The following LRP6 variants were observed in gnomAD, a reference collection of about 807,000 sequenced individuals.
LRP6 encodes the protein LDL receptor related protein 6.
In LRP6, 43 loss-of-function variants were observed where a neutral mutation model predicts 184.1. That is an observed-to-expected ratio of 0.23 (90% confidence interval 0.18 to 0.30). LRP6 has a LOEUF of 0.30. Ranked by LOEUF, LRP6 falls within the 10% of genes least tolerant of loss-of-function variation. LRP6 has a pLI of 1.00. For synonymous variants in LRP6, 719 were observed against 684.9 expected, an observed-to-expected ratio of 1.05 and a Z score of -0.78; for missense variants, 1,571 against 2,005.3, an observed-to-expected ratio of 0.78 and a Z score of 4.14.
chr12:12,221,388 T>A (rs911741739), intron 2 of LRP6, among the ~76,000 whole-genome samples: 1 of 152,158 alleles, frequency 6.6e-6, no homozygotes, highest in Non-Finnish European at 1.5e-5. Context: ...GAAACTAGAA[T>A]TGTTGCTTTA....
intron 1 of LRP6, among the ~76,000 whole-genome samples, chr12:12,248,546 A>C (rs2135925755): frequency 7.7e-6 from 1 of 129,954 alleles, no homozygotes; most frequent in East Asian, 2.3e-4. Context: ...CAGTGGTGCA[A>C]TCTCGGCTCA....
chr12:12,134,269 A>G (rs35004968), intron 17 of LRP6, among the ~76,000 whole-genome samples: 10,080 of 152,262 alleles, frequency 0.066, 421 homozygotes, highest in Non-Finnish European at 0.1. Flanking sequence ...CTTCATGATT[A>G]TAACATTTAA....
chr12:12,237,427 G>A (rs1212170863), intron 2 of LRP6, among the ~76,000 whole-genome samples: 3 of 152,012 alleles, frequency 2.0e-5, no homozygotes, highest in Non-Finnish European at 2.9e-5. Context: ...AATTAACACA[G>A]GCAAAAACCA....
Position 12,131,862 on chromosome 12 carries a change from T to C in LRP6, c.3929A>G (p.Asp1310Gly). Residue 1310 changes from aspartate (D) to glycine (G), a missense_variant, in exon 18 of 23, where the codon GAT (aspartate) becomes GGT (glycine). Transcript: ENST00000261349. The part of the protein sequence containing the change: ...CIDGALRCNG[D>G]ANCQDKSDEK... ...ATCTGATTTGTCCTGGCAGTTTGCA[T>C]CTCCATTGCATCGGAGGGCACCATC... is the stretch of plus-strand genomic sequence containing the variant. 1 of 1,614,162 alleles carries C rather than the reference T, an allele frequency of 6.2e-7. No homozygotes were observed. Among genetic ancestry groups the C allele is most frequent in the Non-Finnish European group, 8.5e-7 (1 of 1,180,016 alleles).
intron 3 of LRP6, among the ~76,000 whole-genome samples, chr12:12,195,261 T>C (rs923280929): frequency 6.6e-6 from 1 of 152,140 alleles, no homozygotes; most frequent in African/African-American, 2.4e-5. Flanking sequence ...TTGTAATTTT[T>C]TGAGGAACTT....
chr12:12,221,368 TG>T (rs1351506721), intron 2 of LRP6, among the ~76,000 whole-genome samples: 2 of 152,200 alleles, frequency 1.3e-5, no homozygotes, highest in Admixed American at 1.3e-4. Context: ...AACCAGTTCT[TG>T]AATATTAAGA....
chr12:12,232,253 G>A (rs1024751952), intron 2 of LRP6, among the ~76,000 whole-genome samples: 8 of 151,500 alleles, frequency 5.3e-5, no homozygotes, highest in Non-Finnish European at 8.8e-5. Context: ...GCATGGTGGC[G>A]GGTGCCTGTA....
chr12:12,146,425 C>A (rs1317227992), intron 15 of LRP6, among the ~76,000 whole-genome samples: 3 of 152,136 alleles, frequency 2.0e-5, no homozygotes, highest in Non-Finnish European at 1.5e-5. Flanking sequence ...ATTTTAATTT[C>A]ATTTACCTGA....
intron 19 of LRP6, among the ~76,000 whole-genome samples, chr12:12,128,471 C>A (rs958137375): frequency 2.6e-5 from 4 of 152,184 alleles, no homozygotes; most frequent in Non-Finnish European, 5.9e-5. Context: ...AGCACCAAAT[C>A]TCTCTTCTGA....
At chr12:12,178,947 T>G (rs1344604829) in intron 7 of LRP6, among the ~76,000 whole-genome samples, 1 of 152,170 alleles carries the variant, frequency 6.6e-6, no homozygotes, top group Non-Finnish European at 1.5e-5. Flanking sequence ...GTCTGAATTT[T>G]CTGTCCATTA....
intron 3 of LRP6, among the ~76,000 whole-genome samples, chr12:12,199,683 C>T (rs908811390): frequency 6.6e-6 from 1 of 151,750 alleles, no homozygotes; most frequent in African/African-American, 2.4e-5. Context: ...AAACAAGGCT[C>T]GGCCAGGCAC....
At chr12:12,238,824 T>C (rs1667239281) in intron 2 of LRP6, among the ~76,000 whole-genome samples, 1 of 151,966 alleles carries the variant, frequency 6.6e-6, no homozygotes, top group East Asian at 1.9e-4. Flanking sequence ...AATGGTAAAA[T>C]AAGAAATTGC....
chr12:12,131,517 T>C (rs1949757178), intron 18 of LRP6, among the ~76,000 whole-genome samples: 1 of 152,208 alleles, frequency 6.6e-6, no homozygotes, highest in Admixed American at 6.5e-5. Context: ...ATAAAATATG[T>C]TAGAGCGTAA....
At chr12:12,131,096 C>CG (rs1949746766) in intron 18 of LRP6, among the ~76,000 whole-genome samples, 1 of 105,350 alleles carries the variant, frequency 9.5e-6, no homozygotes. Context: ...AATTTCCTAA[C>CG]ATTTTTTTTT....
chr12:12,208,397 T>C (rs947133103), intron 2 of LRP6, among the ~76,000 whole-genome samples: 9 of 152,332 alleles, frequency 5.9e-5, no homozygotes, highest in African/African-American at 2.2e-4. Flanking sequence ...GCATGTAAAT[T>C]CTAACTCAGT....
intron 7 of LRP6, among the ~76,000 whole-genome samples, chr12:12,178,614 C>A (rs1014368014): frequency 6.6e-6 from 1 of 152,170 alleles, no homozygotes; most frequent in African/African-American, 2.4e-5. Flanking sequence ...AAAAGCCTGT[C>A]TGAAACATAA....
chr12:12,158,105 C>G (rs1862643774), intron 12 of LRP6, among the ~76,000 whole-genome samples: 1 of 152,150 alleles, frequency 6.6e-6, no homozygotes, highest in Non-Finnish European at 1.5e-5. Flanking sequence ...TTACTTTATA[C>G]TGGGTTACAT....
Position 12,130,833 on chromosome 12 carries a change from T to A in LRP6, c.4031A>T (p.Lys1344Met). 6.2e-7 allele frequency: 1 copy of A among 1,613,936 alleles called. No homozygotes were observed. The highest frequency in any genetic ancestry group is 2.2e-5 in the East Asian group (1 of 44,860). The change falls in exon 19 of 23, where the codon AAG becomes ATG. Residue 1344 changes from lysine to methionine, a missense_variant. By Grantham distance (95) the Lys-to-Met change is moderately conservative (BLOSUM62 -1). Transcript: ENST00000261349. ...ACTGCAATCCACATTATGATCACAC[T>A]TCTTGTGCTTTCCAATGCACTGACC... ...ANGQCIGKHKKCDHNVDCSDK... is the reference protein window; with the variant it reads ...ANGQCIGKHKMCDHNVDCSDK...
At chr12:12,132,117 C>A in intron 17 of LRP6, 60 bp from the exon 18 acceptor site, 1 of 1,003,420 alleles carries the variant, frequency 1.0e-6, no homozygotes, top group South Asian at 1.3e-5. Flanking sequence ...CACAGAAGTA[C>A]AAACACATAC....
Sources: allele counts gnomAD v4.1 joint callset (sites outside exome capture counted in the v4.1 genomes callset), GRCh38; gene constraint gnomAD v4.1.1; transcripts MANE v1.5; gene names NCBI Gene and HGNC (gene_info 2026-07-23, HGNC 2026-07-21).